QTMAN: variants seen among roughly 807,000 people sequenced by gnomAD.
QTMAN encodes tRNA-queuosine alpha-mannosyltransferase.
the QTMAN span, among the ~76,000 whole-genome samples, chr2:144,279,992 G>T: frequency 6.6e-6 from 1 of 152,162 alleles, no homozygotes; most frequent in Non-Finnish European, 1.5e-5. Flanking sequence ...TGTACTAAGT[G>T]TATGTGGGAA....
the QTMAN span, among the ~76,000 whole-genome samples, chr2:143,992,805 G>C: frequency 6.6e-6 from 1 of 152,190 alleles, no homozygotes. Context: ...GGGTAAGTTT[G>C]TATATTAAAA....
At chr2:144,082,470 GGGT>G in the QTMAN span, among the ~76,000 whole-genome samples, 2 of 152,172 alleles carry the variant, frequency 1.3e-5, 1 homozygote, top group South Asian at 4.1e-4. Context: ...GGGGGGAAGG[GGGT>G]GTATACCATT....
chr2:144,061,183 G>A, the QTMAN span, among the ~76,000 whole-genome samples: 1 of 152,028 alleles, frequency 6.6e-6, no homozygotes, highest in East Asian at 1.9e-4. Flanking sequence ...CTGAAATCAT[G>A]ACTTCATTTT....
the QTMAN span, among the ~76,000 whole-genome samples, chr2:144,307,748 C>G: frequency 6.6e-6 from 1 of 152,140 alleles, no homozygotes; most frequent in African/African-American, 2.4e-5. Context: ...ATATAATTCA[C>G]GTCCTATTCA....
At chr2:144,226,761 G>A in the QTMAN span, among the ~76,000 whole-genome samples, 2 of 152,142 alleles carry the variant, frequency 1.3e-5, no homozygotes, top group Non-Finnish European at 2.9e-5. Flanking sequence ...TTGTATGGGA[G>A]ATAGTAGACA....
the QTMAN span, among the ~76,000 whole-genome samples, chr2:143,992,344 G>C: frequency 1.1e-4 from 16 of 147,250 alleles, no homozygotes; most frequent in East Asian, 3.9e-4. Context: ...CAGCATGCTC[G>C]TTAAGAGTCA....
the QTMAN span, among the ~76,000 whole-genome samples, chr2:144,129,922 C>T: frequency 6.6e-6 from 1 of 151,716 alleles, no homozygotes; most frequent in East Asian, 1.9e-4. Flanking sequence ...AACATTGAGT[C>T]AAATATAGTA....
chr2:144,266,925 G>A, the QTMAN span, among the ~76,000 whole-genome samples: 1 of 152,150 alleles, frequency 6.6e-6, no homozygotes, highest in Non-Finnish European at 1.5e-5. Flanking sequence ...AGAACATGGG[G>A]CAATTTTAGG....
At chr2:144,164,698 C>T in the QTMAN span, among the ~76,000 whole-genome samples, 1 of 152,080 alleles carries the variant, frequency 6.6e-6, no homozygotes, top group Non-Finnish European at 1.5e-5. Context: ...AGTCTTTTTT[C>T]CAAACACAGT....
chr2:144,007,873 T>C, the QTMAN span, among the ~76,000 whole-genome samples: 1 of 152,112 alleles, frequency 6.6e-6, no homozygotes, highest in Non-Finnish European at 1.5e-5. Context: ...AATCACCACA[T>C]GGCCCAGTGC....
chr2:144,250,578 T>C, the QTMAN span, among the ~76,000 whole-genome samples: 2 of 152,146 alleles, frequency 1.3e-5, no homozygotes, highest in African/African-American at 4.8e-5. Flanking sequence ...TTGTTACGTT[T>C]CTGACACAAG....
chr2:144,043,264 T>C, the QTMAN span, among the ~76,000 whole-genome samples: 6 of 151,472 alleles, frequency 4.0e-5, no homozygotes, highest in East Asian at 1.9e-4. Context: ...TTTAACCAAG[T>C]AGGGGTTGGT....
At chr2:144,057,019 C>T in the QTMAN span, among the ~76,000 whole-genome samples, 4 of 152,172 alleles carry the variant, frequency 2.6e-5, no homozygotes, top group African/African-American at 7.2e-5. Context: ...TCCAAAATTG[C>T]ACCTTTGTGT....
At chr2:144,265,284 G>C in the QTMAN span, among the ~76,000 whole-genome samples, 1 of 152,212 alleles carries the variant, frequency 6.6e-6, no homozygotes, top group South Asian at 2.1e-4. Flanking sequence ...CTTGAGGCCT[G>C]TTGGCAGCAA....
the QTMAN span, among the ~76,000 whole-genome samples, chr2:144,061,148 T>A: frequency 0.1 from 15,295 of 152,168 alleles, 1,159 homozygotes; most frequent in East Asian, 0.26. Context: ...TTGTGTAACC[T>A]GAAAAAACAG....
the QTMAN span, among the ~76,000 whole-genome samples, chr2:144,316,800 T>C: frequency 1.3e-5 from 2 of 152,216 alleles, no homozygotes; most frequent in African/African-American, 2.4e-5. Flanking sequence ...TTCAGATTTC[T>C]TTTCTATTCA....
chr2:144,056,298 A>G, the QTMAN span, among the ~76,000 whole-genome samples: 18 of 152,376 alleles, frequency 1.2e-4, no homozygotes, highest in African/African-American at 4.3e-4. Context: ...TAAATGAACT[A>G]ACTCAGGTCT....
the QTMAN span, among the ~76,000 whole-genome samples, chr2:143,998,770 T>C: frequency 1.3e-5 from 2 of 152,114 alleles, no homozygotes; most frequent in African/African-American, 2.4e-5. Flanking sequence ...CCATTACCAC[T>C]CTTCTGTTAA....
the QTMAN span, among the ~76,000 whole-genome samples, chr2:144,062,414 G>A: frequency 6.6e-6 from 1 of 152,202 alleles, no homozygotes; most frequent in East Asian, 1.9e-4. Flanking sequence ...TAGGTCTCAG[G>A]TCTGGGTCCA....
Sources: gnomAD v4.1 joint callset for allele counts (sites outside exome capture counted in the v4.1 genomes callset) on GRCh38, gnomAD v4.1.1 for gene constraint, MANE v1.5 for transcripts, NCBI Gene and HGNC (gene_info 2026-07-23, HGNC 2026-07-21) for gene names.